Variants in GALNT10 observed in about 807,000 individuals in gnomAD.
GALNT10 encodes polypeptide N-acetylgalactosaminyltransferase 10, also known as GalNAc transferase 10.
A neutral mutation model predicts 75.0 loss-of-function variants in GALNT10; 41 were observed. The observed-to-expected ratio is 0.55, with a 90% CI of 0.43 to 0.71. The LOEUF is 0.71. GALNT10 is among the 30% of genes least tolerant of loss of function. GALNT10 has a pLI of 0.00. For missense variants in GALNT10, 727 were observed against 818.5 expected (o/e 0.89, Z 1.36); for synonymous variants, 302 against 313.0 (o/e 0.96, Z 0.37).
rs746101468 is a variant in GALNT10, at chr5:154,412,066, A to G, written c.1387-823A>G. On this transcript the variant is annotated intron_variant, in intron 9 of 11. Transcript: ENST00000297107. The surrounding 1 kb of genome is among the most constrained non-coding windows in gnomAD (Gnocchi z 4.2). ...CTCACCCATTGGCTGGGATCCATCC[A>G]TGGGTGGACACAGTGGTGGATTCAG... is the stretch of plus-strand genomic sequence containing the variant. Among the ~76,000 whole-genome samples, 1 of 152,188 alleles carries G rather than the reference A, an allele frequency of 6.6e-6. No individual in the cohort carries two copies. The highest frequency in any genetic ancestry group is 1.5e-5 in the Non-Finnish European group (1 of 68,016).
chr5:154,211,559 T>G (rs192708029), intron 1 of GALNT10, among the ~76,000 whole-genome samples: 23 of 152,358 alleles, frequency 1.5e-4, no homozygotes, highest in African/African-American at 5.5e-4. Context: ...TATATAGTGC[T>G]GCATAACAAA....
chr5:154,335,266 G>C (rs1754926212), intron 4 of GALNT10, among the ~76,000 whole-genome samples: 1 of 152,106 alleles, frequency 6.6e-6, no homozygotes, highest in African/African-American at 2.4e-5. Flanking sequence ...GCTGTACTTT[G>C]TGCTATGATA....
At chr5:154,206,620 T>C (rs1280319191) in intron 1 of GALNT10, among the ~76,000 whole-genome samples, 1 of 152,210 alleles carries the variant, frequency 6.6e-6, no homozygotes, top group Non-Finnish European at 1.5e-5. Context: ...CTGAAGAAGG[T>C]TAAAACTTTA....
At chr5:154,244,430 AG>A (rs1753389451) in intron 1 of GALNT10, among the ~76,000 whole-genome samples, 1 of 152,072 alleles carries the variant, frequency 6.6e-6, no homozygotes, top group Non-Finnish European at 1.5e-5. Context: ...TAAAAAAAAA[AG>A]AATTATTTCA....
chr5:154,209,479 G>A (rs1178890525), intron 1 of GALNT10, among the ~76,000 whole-genome samples: 1 of 152,196 alleles, frequency 6.6e-6, no homozygotes, highest in Non-Finnish European at 1.5e-5. Flanking sequence ...TGGACTGTGT[G>A]GCTTAAACAA....
intron 4 of GALNT10, among the ~76,000 whole-genome samples, chr5:154,345,939 C>A (rs887112195): frequency 2.1e-5 from 3 of 143,926 alleles, no homozygotes; most frequent in African/African-American, 7.8e-5. Context: ...CACCACCACA[C>A]CCGCCTAATT....
intron 4 of GALNT10, among the ~76,000 whole-genome samples, chr5:154,359,039 A>G (rs1755342141): frequency 6.6e-6 from 1 of 152,228 alleles, no homozygotes; most frequent in Admixed American, 6.5e-5. Context: ...GAAGGTTACC[A>G]AGAAAAATAT....
At chr5:154,297,802 G>GCCC (rs72423606) in intron 2 of GALNT10, 139 bp from the exon 3 acceptor site, 1 of 41,440 alleles carries the variant, frequency 2.4e-5, no homozygotes, top group Non-Finnish European at 4.9e-5. Context: ...TCTTTGTACT[G>GCCC]AGCAAAAACT....
chr5:154,300,800 G>A (rs1754346315), intron 3 of GALNT10, among the ~76,000 whole-genome samples: 3 of 152,254 alleles, frequency 2.0e-5, no homozygotes, highest in Admixed American at 2.0e-4. Flanking sequence ...TTGGGCACAG[G>A]GTGCTTTGTG....
intron 4 of GALNT10, among the ~76,000 whole-genome samples, chr5:154,359,552 AGAG>A (rs1048927279): frequency 1.0e-4 from 11 of 109,996 alleles, no homozygotes; most frequent in South Asian, 3.2e-4. Context: ...AAAAAAAAAA[AGAG>A]AGAGAGAGAA....
intron 1 of GALNT10, among the ~76,000 whole-genome samples, chr5:154,278,720 C>T (rs1753991262): frequency 6.6e-6 from 1 of 152,116 alleles, no homozygotes; most frequent in South Asian, 2.1e-4. Flanking sequence ...TTCTTACTCC[C>T]CTGTAACCTC....
chr5:154,215,315 T>C (rs1752848236), intron 1 of GALNT10, among the ~76,000 whole-genome samples: 1 of 152,112 alleles, frequency 6.6e-6, no homozygotes, highest in South Asian at 2.1e-4. Context: ...ACCCCGTCTC[T>C]ACTAAAAAAT....
At chr5:154,371,923 A>G (rs568471540) in intron 4 of GALNT10, among the ~76,000 whole-genome samples, 2 of 152,274 alleles carry the variant, frequency 1.3e-5, no homozygotes, top group African/African-American at 4.8e-5. Flanking sequence ...CTCTTCTCTT[A>G]CAGCTTGGTG....
intron 1 of GALNT10, among the ~76,000 whole-genome samples, chr5:154,204,941 C>T (rs1372895364): frequency 1.3e-5 from 2 of 152,212 alleles, no homozygotes; most frequent in Non-Finnish European, 2.9e-5. Context: ...AGTGCTGGCA[C>T]ATGGCAGGTG....
At chr5:154,277,739 C>T (rs970997701) in intron 1 of GALNT10, among the ~76,000 whole-genome samples, 4 of 152,144 alleles carry the variant, frequency 2.6e-5, no homozygotes, top group Non-Finnish European at 5.9e-5. Flanking sequence ...GAGTGAAAGA[C>T]AAAAGAGGAG....
intron 1 of GALNT10, among the ~76,000 whole-genome samples, chr5:154,207,182 G>C (rs565139602): frequency 6.6e-6 from 1 of 152,294 alleles, no homozygotes; most frequent in South Asian, 2.1e-4. Flanking sequence ...AACCAGCCTG[G>C]GACATGCGCA....
At position 154,416,829 on chromosome 5, in the gene GALNT10, C is replaced by T. The variant is rs1162720679; in HGVS notation, c.1669C>T (p.His557Tyr). The change falls in exon 12 of 12, where the codon CAC becomes TAC. Residue 557 changes from histidine (H) to tyrosine (Y), a missense_variant. Transcript: ENST00000297107. The surrounding 1 kb of genome is among the most constrained non-coding windows in gnomAD (Gnocchi z 4.5). Reference protein sequence around the residue: ...WKYRKDKTLYHPVSGSCMDCS... With the variant: ...WKYRKDKTLYYPVSGSCMDCS... The stretch of plus-strand genomic sequence containing the variant: ...TGTTTTGTAGGACAAGACCCTGTAC[C>T]ACCCTGTCAGTGGCAGCTGCATGGA... 1.5e-5 allele frequency: 25 copies of T among 1,613,186 alleles called. No homozygotes were observed. The highest frequency in any genetic ancestry group is 2.0e-5 in the Non-Finnish European group (24 of 1,179,198).
chr5:154,317,110 G>A lies in GALNT10; in HGVS notation c.402-12462G>A, dbSNP rs114393164. On this transcript the variant is annotated intron_variant, in intron 3 of 11. Transcript: ENST00000297107. Reference sequence around the variant, plus strand: ...GCTCATCATGGGATAGGAACTTGCCGGGGTCTCACAGTTGCAAAGGAGCAG... The same window carrying A: ...GCTCATCATGGGATAGGAACTTGCCAGGGTCTCACAGTTGCAAAGGAGCAG... 8.4e-3 allele frequency among the ~76,000 whole-genome samples: 1,275 copies of A among 152,266 alleles called. 21 individuals carry two copies. Among genetic ancestry groups the A allele is most frequent in the African/African-American group, 0.029 (1,193 of 41,534 alleles).
chr5:154,414,587 G>A (rs1756467212), intron 10 of GALNT10, among the ~76,000 whole-genome samples: 1 of 151,992 alleles, frequency 6.6e-6, no homozygotes, highest in Non-Finnish European at 1.5e-5. Flanking sequence ...ATGGGGGTTG[G>A]TGGGGACAGG....
Sources: gnomAD v4.1 joint callset for allele counts (sites outside exome capture counted in the v4.1 genomes callset) on GRCh38, gnomAD v4.1.1 for gene constraint, Gnocchi (gnomAD v3.1) non-coding constraint, MANE v1.5 for transcripts, NCBI Gene and HGNC (gene_info 2026-07-23, HGNC 2026-07-21) for gene names.